The following CBX5 variants were observed in gnomAD, a reference collection of about 807,000 sequenced individuals.
CBX5 encodes chromobox 5.
Under a neutral mutation model 20.7 loss-of-function variants are expected in CBX5, and 7 were observed. That is an observed-to-expected ratio of 0.34 (90% CI 0.19 to 0.63). The LOEUF is 0.63. Ranked by LOEUF, CBX5 falls within the 30% of genes least tolerant of loss-of-function variation. The pLI is 0.75. For synonymous variants in CBX5, 78 were observed against 77.0 expected (o/e 1.01, Z -0.07); for missense variants, 110 against 224.1 (o/e 0.49, Z 3.25).
At chr12:54,249,278 G>C (rs970659137) in intron 3 of CBX5, among the ~76,000 whole-genome samples, 1 of 151,918 alleles carries the variant, frequency 6.6e-6, no homozygotes, top group Admixed American at 6.6e-5. Flanking sequence ...GGTGAAGCAG[G>C]AGAATCGCTT....
At chr12:54,273,034 G>T (rs1009785583) in intron 1 of CBX5, 3 of 152,174 alleles carry the variant, frequency 2.0e-5, no homozygotes, top group Non-Finnish European at 4.4e-5. Context: ...ATCTATTTGG[G>T]TAGAGGTTAG....
chr12:54,278,593 T>C (rs1002562394), intron 1 of CBX5: 4 of 152,236 alleles, frequency 2.6e-5, no homozygotes, highest in Non-Finnish European at 5.9e-5. Flanking sequence ...AATTATTGAA[T>C]AAAGCAGTAA....
intron 4 of CBX5, among the ~76,000 whole-genome samples, chr12:54,244,793 C>T (rs1167963677): frequency 6.6e-6 from 1 of 152,110 alleles, no homozygotes; most frequent in Admixed American, 6.5e-5. Flanking sequence ...CCTCTCTCTA[C>T]TGGATGAAAT....
At chr12:54,263,937 GGAGGCT>G (rs1399315401) in intron 1 of CBX5, among the ~76,000 whole-genome samples, 1 of 151,722 alleles carries the variant, frequency 6.6e-6, no homozygotes, top group Non-Finnish European at 1.5e-5. Context: ...CAGCTACTGG[GGAGGCT>G]GAGGCAAAAG....
At chr12:54,262,250 C>T (rs549099955) in intron 1 of CBX5, among the ~76,000 whole-genome samples, 9 of 152,216 alleles carry the variant, frequency 5.9e-5, no homozygotes, top group African/African-American at 1.9e-4. Flanking sequence ...TTTGGTGAAA[C>T]CTTTCAGAGA....
At chr12:54,266,623 AT>A (rs1224604454) in intron 1 of CBX5, among the ~76,000 whole-genome samples, 2 of 152,086 alleles carry the variant, frequency 1.3e-5, no homozygotes, top group Non-Finnish European at 2.9e-5. Context: ...TATAAATTCC[AT>A]TTGGTTGTAT....
chr12:54,274,649 C>T (rs375234414), intron 1 of CBX5, among the ~76,000 whole-genome samples: 35 of 152,208 alleles, frequency 2.3e-4, no homozygotes, highest in African/African-American at 7.9e-4. Flanking sequence ...TGGTTAAAGA[C>T]CTCAATAGAG....
At chr12:54,242,561 T>C (rs1943689182) in intron 4 of CBX5, among the ~76,000 whole-genome samples, 1 of 151,932 alleles carries the variant, frequency 6.6e-6, no homozygotes, top group African/African-American at 2.4e-5. Context: ...TTCAGCTCTA[T>C]TGATTATGCA....
In CBX5 at chr12:54,232,812, A is replaced by G. The variant is rs1384273022; in HGVS notation, c.*8943T>C. 6.6e-6 allele frequency: 1 copy of G among 152,132 alleles called. No homozygotes were observed. Among genetic ancestry groups the G allele is most frequent in the African/African-American group, 2.4e-5 (1 of 41,404 alleles). The allele number at this position is 152,132 out of a possible 1,614,324, so 9.4% of individuals were successfully genotyped here. On this transcript the variant is annotated 3_prime_UTR_variant, in exon 5 of 5. Coordinates refer to ENST00000209875, the MANE Select transcript of CBX5 (RefSeq NM_012117.3). ...TTACATCTTTAACATTAAGGACATG[A>G]ATTATTTTGTAAAGAAATATTCACT...
At chr12:54,263,762 CAAAAAAAAAAAAAAAAAAAAAG>C (rs1943933237) in intron 1 of CBX5, among the ~76,000 whole-genome samples, 1 of 37,886 alleles carries the variant, frequency 2.6e-5, no homozygotes, top group Non-Finnish European at 5.1e-5. Flanking sequence ...GACTCTATCT[CAAAAAAAAAAAAAAAAAAAAAG>C]AAAAGAAAAA....
intron 2 of CBX5, among the ~76,000 whole-genome samples, chr12:54,253,717 G>A (rs1322962148): frequency 1.9e-5 from 2 of 103,194 alleles, no homozygotes; most frequent in Non-Finnish European, 3.5e-5. Flanking sequence ...AACAGAGTGA[G>A]ATACCATCTC....
At chr12:54,263,996 T>C (rs541337386) in intron 1 of CBX5, among the ~76,000 whole-genome samples, 1 of 152,116 alleles carries the variant, frequency 6.6e-6, no homozygotes, top group African/African-American at 2.4e-5. Flanking sequence ...TGAGCCGAGA[T>C]CGCACCACTG....
intron 1 of CBX5, among the ~76,000 whole-genome samples, chr12:54,261,351 C>T (rs566676500): frequency 1.3e-5 from 2 of 150,526 alleles, no homozygotes; most frequent in Non-Finnish European, 3.0e-5. Context: ...GGCTAGAGTG[C>T]TGTGGCGCCA....
rs1274107802 is a variant in CBX5 at position 54,238,207 on chromosome 12, T to C, written c.*3548A>G. 1.3e-5 allele frequency: 2 copies of C among 151,830 alleles called. No homozygotes were observed. The highest frequency in any genetic ancestry group is 2.9e-5 in the Non-Finnish European group (2 of 67,966). The allele number at this position is 151,830 out of a possible 1,614,324, so 9.4% of individuals were successfully genotyped here. Reference sequence around the variant, plus strand: ...CTGTCTAAAAAAAATAAATAAATAATAGAGGTGAATGTCTGCATTAGGATC... The same window carrying C: ...CTGTCTAAAAAAAATAAATAAATAACAGAGGTGAATGTCTGCATTAGGATC... On this transcript the variant is annotated 3_prime_UTR_variant, in exon 5 of 5. Coordinates refer to ENST00000209875, the MANE Select transcript of CBX5 (RefSeq NM_012117.3).
Position 54,234,393 on chromosome 12 carries a change from T to C in CBX5, c.*7362A>G, listed in dbSNP as rs1943599235. 1 of 151,918 alleles carries C rather than the reference T, an allele frequency of 6.6e-6. No individual in the cohort carries two copies. The highest frequency in any genetic ancestry group is 2.1e-4 in the South Asian group (1 of 4,822). 9.4% of individuals were successfully genotyped at this position (151,918 alleles called of 1,614,324 possible). On this transcript the variant is annotated 3_prime_UTR_variant, in exon 5 of 5. Coordinates refer to ENST00000209875, the MANE Select transcript of CBX5 (RefSeq NM_012117.3). ...TTCCTAAAAATAAAAAGAAATCCCT[T>C]AAAAAAGGCTGACAAACTGACCACT...
Position 54,233,628 on chromosome 12 carries a change from TAC to T in CBX5, c.*8125_*8126del, listed in dbSNP as rs1943591074. The T allele has an allele frequency of 6.6e-6, 1 of 152,190 alleles. No individual in the cohort carries two copies. The highest frequency in any genetic ancestry group is 2.4e-5 in the African/African-American group (1 of 41,438). 9.4% of individuals were successfully genotyped at this position (152,190 alleles called of 1,614,324 possible). A position where few individuals can be genotyped will look rare whatever the true frequency, so the allele number is the denominator to read the frequency against. ...ACTCAAAAGATGATTTATCAACACATACAGTAAAATGTTCACTAGGGGCCGGG... is the reference window on the plus strand; with the variant it reads ...ACTCAAAAGATGATTTATCAACACATAGTAAAATGTTCACTAGGGGCCGGG... On this transcript the variant is annotated 3_prime_UTR_variant, in exon 5 of 5. Transcript: ENST00000209875.
rs1430124401 is a variant in CBX5, at chr12:54,238,601, G to A, written c.*3154C>T. On this transcript the variant is annotated 3_prime_UTR_variant, in exon 5 of 5. Transcript: ENST00000209875. ...AAGACAATACAATTTTAGTACTGGGGGAAAAAAAACTAGATTGTTATTTGA... is the reference window on the plus strand; with the variant it reads ...AAGACAATACAATTTTAGTACTGGGAGAAAAAAAACTAGATTGTTATTTGA... 6.6e-6 allele frequency: 1 copy of A among 152,006 alleles called. No homozygotes were observed. The highest frequency in any genetic ancestry group is 1.5e-5 in the Non-Finnish European group (1 of 67,992). The allele number at this position is 152,006 out of a possible 1,614,324, so 9.4% of individuals were successfully genotyped here.
rs1425383728 is a variant in CBX5 at position 54,254,987 on chromosome 12, A to G, written c.137+2527T>C. On this transcript the variant is annotated intron_variant, in intron 2 of 4. Coordinates refer to ENST00000209875, the MANE Select transcript of CBX5 (RefSeq NM_012117.3). ...AAAAGGTGTACCAAGACTATTACAC[A>G]AGCCGAATACACTTGGGGGTTGGGA... 2.0e-5 allele frequency among the ~76,000 whole-genome samples: 3 copies of G among 152,362 alleles called. No individual in the cohort carries two copies. In the East Asian group the frequency reaches 5.8e-4, roughly 29 times the overall value.
At chr12:54,244,477 C>T (rs1943712889) in intron 4 of CBX5, among the ~76,000 whole-genome samples, 1 of 151,866 alleles carries the variant, frequency 6.6e-6, no homozygotes, top group Non-Finnish European at 1.5e-5. Flanking sequence ...GTGGCTCACA[C>T]CTGTAATCCC....
Sources: gnomAD v4.1 joint callset for allele counts (sites outside exome capture counted in the v4.1 genomes callset) on GRCh38, gnomAD v4.1.1 for gene constraint, MANE v1.5 for transcripts, NCBI Gene and HGNC (gene_info 2026-07-23, HGNC 2026-07-21) for gene names.